SENP1: variants seen among roughly 807,000 people sequenced by gnomAD.
The protein encoded by SENP1 is sentrin-specific protease 1.
A neutral mutation model predicts 93.0 loss-of-function variants in SENP1; 21 were observed. That is an observed-to-expected ratio of 0.23 (90% CI 0.16 to 0.33). The LOEUF is 0.33. Among genes scored for constraint, SENP1 ranks in the 10% least tolerant of loss-of-function variants. The pLI is 1.00. For synonymous variants in SENP1, 256 were observed against 259.6 expected (o/e 0.99, Z 0.13); for missense variants, 591 against 758.7 (o/e 0.78, Z 2.60).
chr12:48,104,551 T>C (rs1946314386), intron 1 of SENP1, among the ~76,000 whole-genome samples: 1 of 152,202 alleles, frequency 6.6e-6, no homozygotes, highest in African/African-American at 2.4e-5. Context: ...AGTGTTCAAA[T>C]TCTTTCATAC....
chr12:48,052,923 ATGGTGGAT>A (rs1199848606), intron 13 of SENP1, among the ~76,000 whole-genome samples: 6 of 151,966 alleles, frequency 3.9e-5, no homozygotes, highest in Admixed American at 3.9e-4. Context: ...GTGTACAGCA[ATGGTGGAT>A]TCATCATAGT....
rs932512168 is a variant in SENP1, at chr12:48,043,610, A to G, written c.*1712T>C. On this transcript the variant is annotated 3_prime_UTR_variant, in exon 18 of 18. Transcript: ENST00000549518. ...TCCTATAGAAAACTCAAAAACAAAG[A>G]AAAAGAAAGAAAAATAAAGAGAGAT... The G allele has an allele frequency of 2.6e-5, 4 of 152,622 alleles. No homozygotes were observed. The highest frequency in any genetic ancestry group is 2.6e-4 in the Admixed American group (4 of 15,270). The allele number at this position is 152,622 out of a possible 1,614,324, so 9.5% of individuals were successfully genotyped here.
intron 13 of SENP1, among the ~76,000 whole-genome samples, chr12:48,061,430 CAG>C (rs1481979803): frequency 6.6e-6 from 1 of 152,170 alleles, no homozygotes; most frequent in African/African-American, 2.4e-5. Flanking sequence ...TTTGAAGACA[CAG>C]AGTCTTGCTC....
At chr12:48,092,732 G>A (rs1945293790) in intron 4 of SENP1, among the ~76,000 whole-genome samples, 1 of 152,186 alleles carries the variant, frequency 6.6e-6, no homozygotes, top group Non-Finnish European at 1.5e-5. Flanking sequence ...AGCTTTTAGT[G>A]TAAGACTGTT....
intron 13 of SENP1, among the ~76,000 whole-genome samples, chr12:48,051,766 C>A (rs747667943): frequency 6.6e-6 from 1 of 152,196 alleles, no homozygotes; most frequent in African/African-American, 2.4e-5. Context: ...CAACTGTCCC[C>A]GACGCCAAGT....
At chr12:48,095,129 C>G (rs1019023369) in intron 4 of SENP1, among the ~76,000 whole-genome samples, 2 of 152,110 alleles carry the variant, frequency 1.3e-5, no homozygotes, top group Non-Finnish European at 2.9e-5. Flanking sequence ...AAAGAGCATC[C>G]TACTAACGTC....
chr12:48,066,121 G>T (rs760536013), intron 10 of SENP1, among the ~76,000 whole-genome samples: 1 of 152,140 alleles, frequency 6.6e-6, no homozygotes, highest in African/African-American at 2.4e-5. Context: ...TAGTGAAAGC[G>T]AAACTTCAGT....
chr12:48,091,504 AC>A (rs1274178574), intron 4 of SENP1, among the ~76,000 whole-genome samples: 3 of 152,148 alleles, frequency 2.0e-5, no homozygotes, highest in African/African-American at 7.2e-5. Flanking sequence ...AGTAAGTACT[AC>A]CAGTTGTTCC....
chr12:48,074,651 T>C, intron 7 of SENP1, 39 bp downstream of exon 7: 1 of 1,607,302 alleles, frequency 6.2e-7, no homozygotes, highest in Non-Finnish European at 8.5e-7. Flanking sequence ...TAATAAATTG[T>C]AGAATTAAAT....
intron 13 of SENP1, among the ~76,000 whole-genome samples, chr12:48,052,325 T>G (rs73301128): frequency 0.015 from 2,302 of 152,348 alleles, 77 homozygotes; most frequent in African/African-American, 0.053. Context: ...GTCTTGATTT[T>G]TAGCCATTCT....
At chr12:48,104,201 A>G (rs1042114646) in intron 1 of SENP1, among the ~76,000 whole-genome samples, 2 of 140,060 alleles carry the variant, frequency 1.4e-5, no homozygotes, top group Non-Finnish European at 3.0e-5. Context: ...ACAGAGCGAG[A>G]CTCTGTCTAA....
intron 9 of SENP1, 71 bp downstream of exon 9, chr12:48,071,596 A>C: frequency 2.7e-6 from 3 of 1,107,546 alleles, no homozygotes; most frequent in Non-Finnish European, 4.0e-6. Flanking sequence ...AGCCTGGGCA[A>C]CAGAGCGAGA....
chr12:48,074,923 T>C (rs1943959920), intron 6 of SENP1, 130 bp from the exon 7 acceptor site: 2 of 651,156 alleles, frequency 3.1e-6, no homozygotes, highest in Non-Finnish European at 5.3e-6. Flanking sequence ...TTAAGAATTA[T>C]GGGCCTAACA....
chr12:48,082,989 C>T (rs1944594051), intron 6 of SENP1, among the ~76,000 whole-genome samples: 1 of 152,154 alleles, frequency 6.6e-6, no homozygotes, highest in Admixed American at 6.5e-5. Context: ...AGTGCAGCCT[C>T]GACCTCCTGG....
chr12:48,105,752 C>T, intron 1 of SENP1: 3 of 544,974 alleles, frequency 5.5e-6, no homozygotes, highest in South Asian at 4.1e-5. Flanking sequence ...CCTGCTGTAA[C>T]GGCAGGGAGA....
rs1255420045 is a variant in SENP1 at position 48,106,014 on chromosome 12, C to T, written c.-45+14G>A. ...CCATCCTCACCCCTCCCCCAGCTTC[C>T]CGCCGCCACTCACCGAACCGGAACC... On this transcript the variant is annotated intron_variant, in intron 1 of 17. Transcript: ENST00000549518. 7.1e-6 allele frequency: 5 copies of T among 701,032 alleles called. No individual in the cohort carries two copies. The allele number at this position is 701,032 out of a possible 1,614,324, so 43.4% of individuals were successfully genotyped here.
At position 48,088,832 on chromosome 12, in the gene SENP1, T is replaced by C. The variant is rs746269677; in HGVS notation, c.349A>G (p.Ser117Gly). The C allele has an allele frequency of 1.2e-6, 2 of 1,609,398 alleles. No homozygotes were observed. The highest frequency in any genetic ancestry group is 1.7e-6 in the Non-Finnish European group (2 of 1,177,742). Residue 117 changes from serine (S) to glycine (G), a missense_variant, in exon 5 of 18, where the codon AGT becomes GGT. Physicochemically the swap from Ser to Gly is moderately conservative, Grantham distance 56. Transcript: ENST00000549518. Reference protein sequence around the residue: ...SSLQKSRNSRSLYLETRKTSS... With the variant: ...SSLQKSRNSRGLYLETRKTSS... ...GTCTTTCGGGTTTCGAGGTAAAGAC[T>C]TCGGCTGTTTCTTGATTTTTGTAAA...
At chr12:48,073,255 G>A (rs1215046311) in intron 8 of SENP1, among the ~76,000 whole-genome samples, 1 of 150,426 alleles carries the variant, frequency 6.6e-6, no homozygotes. Context: ...GTATGTTTCT[G>A]AGGTTAAAGG....
chr12:48,048,890 T>C (rs376108390), intron 14 of SENP1, 39 bp downstream of exon 14: 19 of 1,498,912 alleles, frequency 1.3e-5, no homozygotes, highest in Admixed American at 5.3e-5. Flanking sequence ...TATAAGTACA[T>C]AGCTTTTACA....
Sources: allele counts gnomAD v4.1 joint callset (sites outside exome capture counted in the v4.1 genomes callset), GRCh38; gene constraint gnomAD v4.1.1; transcripts MANE v1.5; gene names NCBI Gene and HGNC (gene_info 2026-07-23, HGNC 2026-07-21).